Variants in PPARGC1A observed in about 807,000 individuals in gnomAD.
PPARGC1A encodes the protein peroxisome proliferator-activated receptor gamma coactivator 1-alpha.
In PPARGC1A, 25 loss-of-function variants were observed where a neutral mutation model predicts 88.7. The ratio of observed to expected loss-of-function variants is 0.28; its 90% CI spans 0.21 to 0.39. PPARGC1A has a LOEUF of 0.39. Among genes scored for constraint, PPARGC1A ranks in the 10% least tolerant of loss-of-function variants. PPARGC1A has a pLI of 1.00. For missense variants in PPARGC1A, 880 were observed against 968.7 expected, an observed-to-expected ratio of 0.91 and a Z score of 1.22; for synonymous variants, 363 against 355.6, an observed-to-expected ratio of 1.02 and a Z score of -0.24.
chr4:24,361,579 C>A, the PPARGC1A span, among the ~76,000 whole-genome samples: 736 of 152,220 alleles, frequency 4.8e-3, 5 homozygotes, highest in African/African-American at 0.017. Context: ...TACGTAACAC[C>A]CTGAATTTGA....
the PPARGC1A span, among the ~76,000 whole-genome samples, chr4:24,064,070 C>G: frequency 6.6e-6 from 1 of 152,182 alleles, no homozygotes; most frequent in African/African-American, 2.4e-5. Flanking sequence ...CTTCCCTTTC[C>G]CCATCTCCTT....
the PPARGC1A span, among the ~76,000 whole-genome samples, chr4:24,287,632 A>G: frequency 2.7e-5 from 3 of 111,816 alleles, no homozygotes; most frequent in East Asian, 9.8e-4. Flanking sequence ...TCAACACCAC[A>G]TGCACACACA....
chr4:24,308,742 AAG>A, the PPARGC1A span, among the ~76,000 whole-genome samples: 2 of 152,108 alleles, frequency 1.3e-5, 1 homozygote, highest in African/African-American at 4.8e-5. Flanking sequence ...TTTGAAATAA[AAG>A]AGAGGGAAGT....
chr4:24,311,827 T>C, the PPARGC1A span, among the ~76,000 whole-genome samples: 11 of 152,042 alleles, frequency 7.2e-5, no homozygotes, highest in African/African-American at 2.7e-4. Context: ...GAAGTTCTAA[T>C]ATATATGATT....
chr4:24,390,206 T>C, the PPARGC1A span, among the ~76,000 whole-genome samples: 2 of 152,098 alleles, frequency 1.3e-5, no homozygotes, highest in Non-Finnish European at 2.9e-5. Context: ...TTCAAAATCA[T>C]ATTAGAGTCC....
intron 2 of PPARGC1A, chr4:23,877,594 A>AG (rs934487305): frequency 1.3e-5 from 2 of 151,616 alleles, no homozygotes; most frequent in African/African-American, 4.8e-5. Context: ...GTTAAGAAGA[A>AG]GAAAAAAAAA....
At chr4:24,462,755 G>A in the PPARGC1A span, among the ~76,000 whole-genome samples, 3 of 150,102 alleles carry the variant, frequency 2.0e-5, no homozygotes, top group Non-Finnish European at 3.0e-5. Flanking sequence ...AGTATGGACC[G>A]GGCGGTCTGC....
chr4:24,015,163 TA>T, the PPARGC1A span, among the ~76,000 whole-genome samples: 2 of 152,142 alleles, frequency 1.3e-5, no homozygotes, highest in African/African-American at 4.8e-5. Context: ...AAATAGATGA[TA>T]TACAGTCATA....
the PPARGC1A span, among the ~76,000 whole-genome samples, chr4:24,467,286 T>C: frequency 6.6e-6 from 1 of 152,186 alleles, no homozygotes; most frequent in African/African-American, 2.4e-5. Flanking sequence ...TGGGGTTCTG[T>C]GAGCTGGATT....
chr4:24,381,157 C>T, the PPARGC1A span, among the ~76,000 whole-genome samples: 2 of 152,072 alleles, frequency 1.3e-5, no homozygotes, highest in Non-Finnish European at 2.9e-5. Flanking sequence ...CAGAGGCTTT[C>T]AAGAAGGGAG....
the PPARGC1A span, among the ~76,000 whole-genome samples, chr4:24,320,910 A>T: frequency 9.2e-5 from 14 of 152,218 alleles, no homozygotes; most frequent in East Asian, 1.9e-4. Context: ...GCCTGCCCTT[A>T]CGGTCCTCTG....
At chr4:24,216,218 C>T in the PPARGC1A span, among the ~76,000 whole-genome samples, 19 of 150,226 alleles carry the variant, frequency 1.3e-4, no homozygotes, top group East Asian at 3.0e-3. Flanking sequence ...TGTCATCTCA[C>T]CTCACTGCAA....
the PPARGC1A span, among the ~76,000 whole-genome samples, chr4:24,379,141 A>G: frequency 1.3e-5 from 2 of 152,226 alleles, no homozygotes; most frequent in Non-Finnish European, 2.9e-5. Context: ...ACGCATCAAT[A>G]AGACATGATT....
chr4:24,167,454 G>GC, the PPARGC1A span, among the ~76,000 whole-genome samples: 2 of 152,212 alleles, frequency 1.3e-5, no homozygotes, highest in African/African-American at 4.8e-5. Context: ...AGCAGCAGCA[G>GC]AGTTTCAAAG....
upstream of PPARGC1A, among the ~76,000 whole-genome samples, chr4:23,901,365 G>A (rs763957234): frequency 2.6e-5 from 3 of 114,614 alleles, no homozygotes; most frequent in East Asian, 2.4e-4. Flanking sequence ...GCAAGACTCC[G>A]TCTCAAAAAA....
At chr4:24,342,505 A>T in the PPARGC1A span, among the ~76,000 whole-genome samples, 1 of 145,948 alleles carries the variant, frequency 6.9e-6, no homozygotes, top group Non-Finnish European at 1.5e-5. Flanking sequence ...AAAATATAAA[A>T]ATAAGAACCC....
chr4:24,339,973 G>A, the PPARGC1A span, among the ~76,000 whole-genome samples: 1 of 152,008 alleles, frequency 6.6e-6, no homozygotes, highest in African/African-American at 2.4e-5. Flanking sequence ...TCCTGACCTC[G>A]TGATCCGCCT....
At chr4:24,018,665 A>G in the PPARGC1A span, among the ~76,000 whole-genome samples, 1 of 152,176 alleles carries the variant, frequency 6.6e-6, no homozygotes, top group African/African-American at 2.4e-5. Context: ...AATGTTCCTG[A>G]TCTTTCATCT....
chr4:24,205,080 C>T, the PPARGC1A span, among the ~76,000 whole-genome samples: 2 of 152,236 alleles, frequency 1.3e-5, no homozygotes, highest in Non-Finnish European at 2.9e-5. Flanking sequence ...CCACCTCAGC[C>T]TTCCAAAGTT....
Sources: allele counts gnomAD v4.1 joint callset (sites outside exome capture counted in the v4.1 genomes callset), GRCh38; gene constraint gnomAD v4.1.1; transcripts MANE v1.5; gene names NCBI Gene and HGNC (gene_info 2026-07-23, HGNC 2026-07-21).